SLC24A2: variants seen among roughly 807,000 people sequenced by gnomAD.
SLC24A2 encodes the protein sodium/potassium/calcium exchanger 2.
Under a neutral mutation model 62.0 loss-of-function variants are expected in SLC24A2, and 36 were observed. That is an observed-to-expected ratio of 0.58 (90% CI 0.44 to 0.77). The LOEUF (loss-of-function observed/expected upper bound fraction) is 0.77. Ranked by LOEUF, SLC24A2 falls within the 30% of genes least tolerant of loss-of-function variation. The pLI is 0.00. For missense variants in SLC24A2, 846 were observed against 817.9 expected (o/e 1.03, Z -0.42); for synonymous variants, 358 against 294.0 (o/e 1.22, Z -2.23).
At chr9:19,977,289 C>T in the SLC24A2 span, among the ~76,000 whole-genome samples, 3,873 of 152,092 alleles carry the variant, frequency 0.025, 169 homozygotes, top group African/African-American at 0.087. Flanking sequence ...AAATAAAAAG[C>T]GCTTAAAATG....
chr9:19,829,765 A>ATATG, the SLC24A2 span, among the ~76,000 whole-genome samples: 1 of 56,900 alleles, frequency 1.8e-5, no homozygotes, highest in African/African-American at 4.0e-5. Flanking sequence ...TTATATATAT[A>ATATG]TGTGTGTGTG....
intron 2 of SLC24A2, among the ~76,000 whole-genome samples, chr9:19,739,027 G>A (rs1040188157): frequency 3.3e-5 from 5 of 152,154 alleles, no homozygotes; most frequent in African/African-American, 7.2e-5. Flanking sequence ...TGAGGCAGAA[G>A]AATCACTTGA....
chr9:19,942,721 C>T, the SLC24A2 span, among the ~76,000 whole-genome samples: 1 of 152,138 alleles, frequency 6.6e-6, no homozygotes, highest in Non-Finnish European at 1.5e-5. Context: ...TGGCACTGTG[C>T]CCAGGAAGAT....
chr9:19,535,769 C>T (rs764634005), intron 8 of SLC24A2, among the ~76,000 whole-genome samples: 1 of 152,038 alleles, frequency 6.6e-6, no homozygotes, highest in Non-Finnish European at 1.5e-5. Flanking sequence ...AGTTTGGAGT[C>T]AGGTAGTGTG....
the SLC24A2 span, among the ~76,000 whole-genome samples, chr9:20,159,996 A>C: frequency 6.6e-6 from 1 of 151,494 alleles, no homozygotes; most frequent in Non-Finnish European, 1.5e-5. Flanking sequence ...AAAAGAAAAT[A>C]TTTTCAAATG....
the SLC24A2 span, among the ~76,000 whole-genome samples, chr9:20,289,531 G>T: frequency 6.6e-6 from 1 of 152,176 alleles, no homozygotes; most frequent in Non-Finnish European, 1.5e-5. Flanking sequence ...CTGAGTCTCG[G>T]TTCTCTCATT....
the SLC24A2 span, among the ~76,000 whole-genome samples, chr9:20,106,235 A>C: frequency 1.1e-4 from 16 of 152,148 alleles, no homozygotes; most frequent in East Asian, 3.9e-4. Context: ...GAGTCCAGGA[A>C]CAGATGGATT....
At chr9:19,888,613 G>T in the SLC24A2 span, among the ~76,000 whole-genome samples, 1 of 152,118 alleles carries the variant, frequency 6.6e-6, no homozygotes, top group South Asian at 2.1e-4. Context: ...TGGAAGAGTA[G>T]AAATGCAAAG....
At chr9:20,219,886 T>G in the SLC24A2 span, among the ~76,000 whole-genome samples, 1 of 152,110 alleles carries the variant, frequency 6.6e-6, no homozygotes, top group African/African-American at 2.4e-5. Flanking sequence ...ATATTAAGAG[T>G]GATTAAGTGC....
At chr9:20,242,509 T>A in the SLC24A2 span, among the ~76,000 whole-genome samples, 18 of 152,190 alleles carry the variant, frequency 1.2e-4, no homozygotes, top group African/African-American at 4.3e-4. Flanking sequence ...AGTGGTCCAA[T>A]GGGAGAAGAC....
At chr9:20,170,908 C>G in the SLC24A2 span, among the ~76,000 whole-genome samples, 1 of 151,992 alleles carries the variant, frequency 6.6e-6, no homozygotes, top group South Asian at 2.1e-4. Flanking sequence ...TGCCTAGGCA[C>G]ATTGTCATCA....
At chr9:20,147,914 G>T in the SLC24A2 span, among the ~76,000 whole-genome samples, 2 of 152,060 alleles carry the variant, frequency 1.3e-5, no homozygotes, top group East Asian at 1.9e-4. Context: ...CTCAGTCTCA[G>T]AGGAGGACTG....
chr9:19,930,509 A>T, the SLC24A2 span, among the ~76,000 whole-genome samples: 1 of 152,154 alleles, frequency 6.6e-6, no homozygotes, highest in Non-Finnish European at 1.5e-5. Context: ...TTGTGTCCCC[A>T]TCATGAAGTG....
chr9:19,938,525 T>C, the SLC24A2 span, among the ~76,000 whole-genome samples: 1 of 152,170 alleles, frequency 6.6e-6, no homozygotes, highest in Non-Finnish European at 1.5e-5. Context: ...AAAAGTTGAC[T>C]ATGGACTCTG....
At chr9:20,234,497 C>A in the SLC24A2 span, among the ~76,000 whole-genome samples, 2 of 152,120 alleles carry the variant, frequency 1.3e-5, no homozygotes, top group Non-Finnish European at 2.9e-5. Flanking sequence ...TCGCTGATAC[C>A]CTTTCTTCCA....
chr9:19,891,020 C>G, the SLC24A2 span, among the ~76,000 whole-genome samples: 17 of 152,178 alleles, frequency 1.1e-4, no homozygotes, highest in Non-Finnish European at 1.5e-4. Flanking sequence ...CCCTAATATC[C>G]CCCACTTGTT....
chr9:20,200,102 C>A, the SLC24A2 span, among the ~76,000 whole-genome samples: 2 of 151,816 alleles, frequency 1.3e-5, no homozygotes, highest in Non-Finnish European at 2.9e-5. Context: ...CCTTACCAAC[C>A]ATTTATACTA....
the SLC24A2 span, among the ~76,000 whole-genome samples, chr9:20,172,458 G>A: frequency 6.6e-6 from 1 of 151,994 alleles, no homozygotes; most frequent in Admixed American, 6.6e-5. Flanking sequence ...ATTAGCAAGA[G>A]TAACCAAGAA....
At chr9:20,295,736 G>T in the SLC24A2 span, among the ~76,000 whole-genome samples, 1 of 152,136 alleles carries the variant, frequency 6.6e-6, no homozygotes, top group South Asian at 2.1e-4. Context: ...TGAGGCTTTT[G>T]ACCTTGGACA....
Sources: gnomAD v4.1 joint callset for allele counts (sites outside exome capture counted in the v4.1 genomes callset) on GRCh38, gnomAD v4.1.1 for gene constraint, MANE v1.5 for transcripts, NCBI Gene and HGNC (gene_info 2026-07-23, HGNC 2026-07-21) for gene names.